IRF2: variants seen among roughly 807,000 people sequenced by gnomAD.
IRF2 encodes the protein interferon regulatory factor 2.
IRF2 carries 15 observed loss-of-function variants against 40.6 expected under a neutral mutation model. That is an observed-to-expected ratio of 0.37 (90% CI 0.25 to 0.57). IRF2 has a LOEUF of 0.57. Ranked by LOEUF, IRF2 falls within the 20% of genes least tolerant of loss-of-function variation. The probability of loss-of-function intolerance (pLI) is 0.77; values close to 1 mark genes in which losing one functional copy is unlikely to be tolerated. For missense variants in IRF2, 317 were observed against 455.7 expected (o/e 0.70, Z 2.77); for synonymous variants, 151 against 165.5 (o/e 0.91, Z 0.67).
intron 1 of IRF2, among the ~76,000 whole-genome samples, chr4:184,452,509 G>A (rs983024749): frequency 1.1e-4 from 17 of 152,080 alleles, no homozygotes; most frequent in African/African-American, 4.1e-4. Context: ...GGAGCTCTGC[G>A]GCACTGCCTG....
At chr4:184,401,060 C>G (rs1206929457) in intron 6 of IRF2, among the ~76,000 whole-genome samples, 1 of 152,236 alleles carries the variant, frequency 6.6e-6, no homozygotes, top group Non-Finnish European at 1.5e-5. Flanking sequence ...GGGAGAGTGA[C>G]TTGTCCAGAC....
chr4:184,412,005 T>TAAAAAAA (rs35183333), intron 5 of IRF2, among the ~76,000 whole-genome samples: 1 of 95,240 alleles, frequency 1.0e-5, no homozygotes, highest in Non-Finnish European at 2.0e-5. Flanking sequence ...CTCCAAAGAT[T>TAAAAAAA]AAAAAAAAAA....
At chr4:184,446,635 A>G (rs1738519213) in intron 1 of IRF2, among the ~76,000 whole-genome samples, 1 of 152,202 alleles carries the variant, frequency 6.6e-6, no homozygotes, top group South Asian at 2.1e-4. Flanking sequence ...TGGCACTAGA[A>G]TAGGAGGACT....
In IRF2 at chr4:184,419,489, C is replaced by T. The variant is rs1301910228; in HGVS notation, c.167G>A (p.Arg56Lys). The change falls in exon 3 of 9, where the codon AGA becomes AAA. Residue 56 changes from arginine to lysine, a missense_variant. Transcript: ENST00000393593. ...AGTACCTGTATGGATTGCCCAGTTT[C>T]TAAAGAGTGGTGCATCTTTTTCCAC... is the stretch of plus-strand genomic sequence containing the variant. ...WDVEKDAPLF[R>K]NWAIHTGKHQ... is the part of the protein sequence containing the mutation. The T allele has an allele frequency of 2.5e-6, 4 of 1,599,944 alleles. No individual in the cohort carries two copies. Among genetic ancestry groups the T allele is most frequent in the African/African-American group, 1.4e-5 (1 of 73,356 alleles).
chr4:184,408,372 G>C lies in IRF2; in HGVS notation c.412-97C>G. On this transcript the variant is annotated intron_variant, in intron 5 of 8. Coordinates refer to ENST00000393593, the MANE Select transcript of IRF2 (RefSeq NM_002199.4). This position sits in a 1 kb window ranked among gnomAD's most constrained non-coding sequence, Gnocchi z 4.9. The stretch of plus-strand genomic sequence containing the variant: ...CCTCTGCCTACTTTCTTTAATGCTA[G>C]GGTCATTCATGTTCAGCTGCCGAAT... The C allele has an allele frequency of 1.3e-6, 1 of 779,026 alleles. No homozygotes were observed. Among genetic ancestry groups the C allele is most frequent in the South Asian group, 1.5e-5 (1 of 66,298 alleles). 48.3% of individuals were successfully genotyped at this position (779,026 alleles called of 1,614,324 possible).
At position 184,449,655 on chromosome 4, in the gene IRF2, C is replaced by T. The variant is rs147652554; in HGVS notation, c.-6-20585G>A. Reference sequence around the variant, plus strand: ...CCATCAAAAGAAGCGTGCACCAATGCGTGGGAAATGCCATCTAGACAGGCA... The same window carrying T: ...CCATCAAAAGAAGCGTGCACCAATGTGTGGGAAATGCCATCTAGACAGGCA... On this transcript the variant is annotated intron_variant, in intron 1 of 8. Transcript: ENST00000393593. 8.5e-5 allele frequency among the ~76,000 whole-genome samples: 13 copies of T among 152,278 alleles called. No individual in the cohort carries two copies. The East Asian group carries it at 1.2e-3, about 14-fold the overall frequency.
intron 8 of IRF2, among the ~76,000 whole-genome samples, chr4:184,389,434 A>G (rs1736172992): frequency 6.6e-6 from 1 of 152,152 alleles, no homozygotes; most frequent in African/African-American, 2.4e-5. Flanking sequence ...ACAACCCACA[A>G]AAAAAATTTT....
At chr4:184,418,435 C>T in intron 4 of IRF2, 97 bp downstream of exon 4, 1 of 1,206,956 alleles carries the variant, frequency 8.3e-7, no homozygotes, top group Non-Finnish European at 1.2e-6. Flanking sequence ...ACAGGCTATT[C>T]TACCTGCAAA....
chr4:184,389,608 T>G (rs1052916902), intron 8 of IRF2, among the ~76,000 whole-genome samples: 2 of 152,060 alleles, frequency 1.3e-5, no homozygotes, highest in African/African-American at 4.8e-5. Context: ...TCTTTTTTTT[T>G]AAAAAATCAA....
At chr4:184,449,684 G>A (rs552480442) in intron 1 of IRF2, among the ~76,000 whole-genome samples, 3 of 152,304 alleles carry the variant, frequency 2.0e-5, no homozygotes, top group African/African-American at 7.2e-5. Flanking sequence ...ACAGGCAGTC[G>A]GGGATACCTT....
rs57706980 is a variant in IRF2, at chr4:184,390,983, T to G, written c.695-234A>C. Among the ~76,000 whole-genome samples the G allele has an allele frequency of 2.4e-3, 365 of 152,318 alleles. 3 individuals are homozygous for G. Among genetic ancestry groups the G allele is most frequent in the African/African-American group, 8.6e-3 (356 of 41,574 alleles). On this transcript the variant is annotated intron_variant, in intron 7 of 8. Coordinates refer to ENST00000393593, the MANE Select transcript of IRF2 (RefSeq NM_002199.4). ...CCCTTGGCCAGGGCCGGGCTGTGTATACACTGGGCACTACCTCCCAGGAAG... is the reference window on the plus strand; with the variant it reads ...CCCTTGGCCAGGGCCGGGCTGTGTAGACACTGGGCACTACCTCCCAGGAAG...
At chr4:184,405,863 G>A (rs1364556028) in intron 6 of IRF2, among the ~76,000 whole-genome samples, 4 of 152,128 alleles carry the variant, frequency 2.6e-5, no homozygotes, top group African/African-American at 4.8e-5. Flanking sequence ...TCTTAAGGCT[G>A]AAAACACAGC....
chr4:184,406,726 C>T (rs577981944), intron 6 of IRF2, among the ~76,000 whole-genome samples: 144 of 152,262 alleles, frequency 9.5e-4, no homozygotes, highest in African/African-American at 3.1e-3. Flanking sequence ...GGGTGGCCCT[C>T]GTGGGGACCC....
chr4:184,389,115 T>C (rs1332560928), intron 8 of IRF2, 49 bp from the exon 9 acceptor site: 27 of 1,585,936 alleles, frequency 1.7e-5, no homozygotes, highest in Non-Finnish European at 2.2e-5. Flanking sequence ...TTCTATTGGA[T>C]GGCTTTTTAA....
chr4:184,456,358 G>A (rs888547410), intron 1 of IRF2, among the ~76,000 whole-genome samples: 2 of 152,206 alleles, frequency 1.3e-5, no homozygotes, highest in African/African-American at 2.4e-5. Context: ...AGGTGGAAGG[G>A]AAGAAAGAAC....
Position 184,434,818 on chromosome 4 carries a change from A to C in IRF2, c.-6-5748T>G, listed in dbSNP as rs1738019948. Among the ~76,000 whole-genome samples, 3 of 152,226 alleles carry C rather than the reference A, an allele frequency of 2.0e-5. No individual in the cohort carries two copies. In the South Asian group the frequency reaches 6.2e-4, roughly 32 times the overall value. ...GTTGAATTTTCACCCAAATAACTGA[A>C]TTTTGGTTCTTGGAATAGTAAGAGC... On this transcript the variant is annotated intron_variant, in intron 1 of 8. Coordinates refer to ENST00000393593, the MANE Select transcript of IRF2 (RefSeq NM_002199.4).
chr4:184,432,801 C>A (rs1335480261), intron 1 of IRF2, among the ~76,000 whole-genome samples: 1 of 152,174 alleles, frequency 6.6e-6, no homozygotes, highest in African/African-American at 2.4e-5. Context: ...CTGCAGCTAA[C>A]CATGCCTGGA....
At chr4:184,473,312 C>T (rs1424816381) in intron 1 of IRF2, among the ~76,000 whole-genome samples, 3 of 149,542 alleles carry the variant, frequency 2.0e-5, no homozygotes, top group Admixed American at 6.6e-5. Context: ...GCTCGGTCCC[C>T]GGAGGCTCCC....
In IRF2 at chr4:184,408,582, G is replaced by C. The variant is rs1362420557; in HGVS notation, c.412-307C>G. 6.6e-6 allele frequency among the ~76,000 whole-genome samples: 1 copy of C among 152,190 alleles called. No homozygotes were observed. Among genetic ancestry groups the C allele is most frequent in the African/African-American group, 2.4e-5 (1 of 41,436 alleles). ...TGGGGCTACGCAGAGCTGCATCATT[G>C]TCTCTGTAAAATGCTGCACTGCGTG... On this transcript the variant is annotated intron_variant, in intron 5 of 8. Transcript: ENST00000393593. The surrounding 1 kb of genome is among the most constrained non-coding windows in gnomAD (Gnocchi z 4.9).
Sources: gnomAD v4.1 joint callset for allele counts (sites outside exome capture counted in the v4.1 genomes callset) on GRCh38, gnomAD v4.1.1 for gene constraint, Gnocchi (gnomAD v3.1) non-coding constraint, MANE v1.5 for transcripts, NCBI Gene and HGNC (gene_info 2026-07-23, HGNC 2026-07-21) for gene names.